EML4: variants seen among roughly 807,000 people sequenced by gnomAD.
EML4 encodes the protein echinoderm microtubule-associated protein-like 4.
EML4 carries 72 observed loss-of-function variants against 129.0 expected under a neutral mutation model. The ratio of observed to expected loss-of-function variants is 0.56; its 90% CI spans 0.46 to 0.68. The LOEUF (loss-of-function observed/expected upper bound fraction) is 0.68. EML4 is among the 30% of genes least tolerant of loss of function. The pLI, the probability that EML4 is intolerant of heterozygous loss-of-function variation, is 0.00. For synonymous variants in EML4, 532 were observed against 405.0 expected, an observed-to-expected ratio of 1.31 and a Z score of -3.77; for missense variants, 1,363 against 1,190.6, an observed-to-expected ratio of 1.14 and a Z score of -2.13.
At chr2:42,254,939 C>G (rs1461711796) in intron 2 of EML4, among the ~76,000 whole-genome samples, 2 of 152,098 alleles carry the variant, frequency 1.3e-5, no homozygotes, top group East Asian at 3.8e-4. Context: ...GAATATTTTT[C>G]TGTTATAAAG....
chr2:42,300,582 C>T (rs913973065), intron 13 of EML4, among the ~76,000 whole-genome samples: 5 of 152,134 alleles, frequency 3.3e-5, no homozygotes, highest in Non-Finnish European at 5.9e-5. Flanking sequence ...GGTCAAAAGC[C>T]ATCACTGCAG....
chr2:42,245,094 CTTT>C (rs56808218), intron 1 of EML4, among the ~76,000 whole-genome samples: 11 of 66,566 alleles, frequency 1.7e-4, no homozygotes, highest in Middle Eastern at 0.016. Flanking sequence ...AATTTTCTTT[CTTT>C]TTTTTTTTTT....
intron 1 of EML4, among the ~76,000 whole-genome samples, chr2:42,172,857 C>G (rs933886518): frequency 6.6e-6 from 1 of 152,086 alleles, no homozygotes; most frequent in Non-Finnish European, 1.5e-5. Context: ...CATGCTTAAT[C>G]TTTTTAGAAT....
chr2:42,208,909 A>T (rs1213756206), intron 1 of EML4, among the ~76,000 whole-genome samples: 1 of 151,908 alleles, frequency 6.6e-6, no homozygotes, highest in Non-Finnish European at 1.5e-5. Flanking sequence ...GAAGTTAGTC[A>T]CTTCAGAAGT....
At chr2:42,286,185 T>A in intron 9 of EML4, 84 bp from the exon 10 acceptor site, 1 of 823,134 alleles carries the variant, frequency 1.2e-6, no homozygotes, top group African/African-American at 1.7e-5. Flanking sequence ...CCTATTACTT[T>A]TTTAAATGGC....
chr2:42,183,800 G>A (rs1296761900), intron 1 of EML4, among the ~76,000 whole-genome samples: 2 of 150,640 alleles, frequency 1.3e-5, no homozygotes, highest in Admixed American at 6.6e-5. Flanking sequence ...TTTTTTTTCA[G>A]GTTAATTATT....
chr2:42,181,962 A>G lies in EML4; in HGVS notation c.25+12326A>G, dbSNP rs541143376. Among the ~76,000 whole-genome samples, 3 of 152,308 alleles carry G rather than the reference A, an allele frequency of 2.0e-5. No individual in the cohort carries two copies. In the East Asian group the frequency reaches 5.8e-4, roughly 29 times the overall value. On this transcript the variant is annotated intron_variant, in intron 1 of 22. Coordinates refer to ENST00000318522, the MANE Select transcript of EML4 (RefSeq NM_019063.5). ...CATATGTGTGTGGCAATATATAGAT[A>G]TAGTTACAGCTATATTTTTACAACA...
At chr2:42,290,565 C>CAAAA (rs542271059) in intron 11 of EML4, among the ~76,000 whole-genome samples, 2 of 115,624 alleles carry the variant, frequency 1.7e-5, no homozygotes, top group African/African-American at 3.2e-5. Context: ...TTGTCTCTAC[C>CAAAA]AAAAAAAAAA....
In EML4 at chr2:42,245,546, C is replaced by A. The variant is rs542703825; in HGVS notation, c.67C>A (p.Arg23Ser). The A allele has an allele frequency of 1.2e-6, 2 of 1,613,606 alleles. No individual in the cohort carries two copies. The highest frequency in any genetic ancestry group is 1.7e-5 in the Admixed American group (1 of 59,968). ...SAASTSDVQDRLSALESRVQQ... is the reference protein window; with the variant it reads ...SAASTSDVQDSLSALESRVQQ... Reference sequence around the variant, plus strand: ...TGCAAGTACTTCTGATGTTCAAGATCGCCTGTCAGCTCTTGAGTCACGAGT... The same window carrying A: ...TGCAAGTACTTCTGATGTTCAAGATAGCCTGTCAGCTCTTGAGTCACGAGT... The change falls in exon 2 of 23, where the codon CGC becomes AGC. Residue 23 changes from arginine (R) to serine (S), a missense_variant. Arg to Ser is a moderately radical substitution (Grantham distance 110, BLOSUM62 -1). Coordinates refer to ENST00000318522, the MANE Select transcript of EML4 (RefSeq NM_019063.5).
In EML4 at chr2:42,301,402, GA is replaced by G; in HGVS notation, c.1641+13del. 6.3e-7 allele frequency: 1 copy of G among 1,598,160 alleles called. No homozygotes were observed. Among genetic ancestry groups the G allele is most frequent in the Non-Finnish European group, 8.5e-7 (1 of 1,173,058 alleles). Reference sequence around the variant, plus strand: ...TGAAAGAGAAATAGAGGTAAGGATGGAAACGGAATATAAAAATATTAAATAC... The same window carrying G: ...TGAAAGAGAAATAGAGGTAAGGATGGAACGGAATATAAAAATATTAAATAC... On this transcript the variant is annotated intron_variant, in intron 14 of 22. Coordinates refer to ENST00000318522, the MANE Select transcript of EML4 (RefSeq NM_019063.5).
chr2:42,175,135 C>T lies in EML4; in HGVS notation c.25+5499C>T, dbSNP rs184019423. On this transcript the variant is annotated intron_variant, in intron 1 of 22. Transcript: ENST00000318522. ...TTTGTTTGTTTGTTTGTTTTTGAGA[C>T]GGAGTCTTGCTCTATTGCCCAGGCT... Among the ~76,000 whole-genome samples, 229 of 149,700 alleles carry T rather than the reference C, an allele frequency of 1.5e-3. 2 individuals are homozygous for T. The highest frequency in any genetic ancestry group is 2.0e-3 in the Non-Finnish European group (136 of 67,320).
At chr2:42,183,526 A>G (rs747154895) in intron 1 of EML4, among the ~76,000 whole-genome samples, 2 of 152,338 alleles carry the variant, frequency 1.3e-5, no homozygotes, top group Admixed American at 6.5e-5. Flanking sequence ...TCCTAGGACT[A>G]CTTTGTTATC....
intron 1 of EML4, among the ~76,000 whole-genome samples, chr2:42,219,849 C>G (rs1373560796): frequency 6.6e-6 from 1 of 151,582 alleles, no homozygotes; most frequent in Non-Finnish European, 1.5e-5. Context: ...TCACTTGAAC[C>G]TGGGAGGTGG....
intron 1 of EML4, among the ~76,000 whole-genome samples, chr2:42,180,082 T>A (rs1382594219): frequency 6.6e-6 from 1 of 152,240 alleles, no homozygotes; most frequent in Non-Finnish European, 1.5e-5. Flanking sequence ...TCTGTGAGTT[T>A]GGAATCATTT....
At chr2:42,268,995 G>T (rs953232392) in intron 6 of EML4, among the ~76,000 whole-genome samples, 3 of 152,136 alleles carry the variant, frequency 2.0e-5, no homozygotes, top group African/African-American at 7.2e-5. Flanking sequence ...CTAAATCCAA[G>T]TCTTCCTCTT....
chr2:42,183,609 T>C (rs945107621), intron 1 of EML4, among the ~76,000 whole-genome samples: 1 of 152,234 alleles, frequency 6.6e-6, no homozygotes, highest in African/African-American at 2.4e-5. Flanking sequence ...AATACACATA[T>C]GCTTTTTGCA....
At chr2:42,277,797 G>C (rs1335953822) in intron 6 of EML4, among the ~76,000 whole-genome samples, 2 of 152,148 alleles carry the variant, frequency 1.3e-5, no homozygotes, top group Non-Finnish European at 1.5e-5. Flanking sequence ...TCAAACTCCT[G>C]ACCTCGTGAT....
At chr2:42,323,011 C>G (rs1477581983) in intron 19 of EML4, among the ~76,000 whole-genome samples, 1 of 148,046 alleles carries the variant, frequency 6.8e-6, no homozygotes, top group Non-Finnish European at 1.5e-5. Context: ...TGAAAATAAT[C>G]TGTGTCCAAC....
chr2:42,234,098 C>A (rs570808111), intron 1 of EML4, among the ~76,000 whole-genome samples: 1 of 152,346 alleles, frequency 6.6e-6, no homozygotes, highest in East Asian at 1.9e-4. Flanking sequence ...CTGTATCCTG[C>A]CTGCTTTTGC....
Sources: gnomAD v4.1 joint callset for allele counts (sites outside exome capture counted in the v4.1 genomes callset) on GRCh38, gnomAD v4.1.1 for gene constraint, MANE v1.5 for transcripts, NCBI Gene and HGNC (gene_info 2026-07-23, HGNC 2026-07-21) for gene names.